The following PCGF6 variants were observed in gnomAD, a reference collection of about 807,000 sequenced individuals.
PCGF6 encodes polycomb group RING finger protein 6.
In PCGF6, 24 loss-of-function variants were observed where a neutral mutation model predicts 45.5. The observed-to-expected ratio is 0.53, with a 90% CI of 0.38 to 0.74. The LOEUF (loss-of-function observed/expected upper bound fraction) is 0.74, where lower values mean the gene tolerates loss of function less well. Among genes scored for constraint, PCGF6 ranks in the 30% least tolerant of loss-of-function variants. The probability of loss-of-function intolerance (pLI) is 0.00; values close to 1 mark genes in which losing one functional copy is unlikely to be tolerated. For synonymous variants in PCGF6, 152 were observed against 162.1 expected, an observed-to-expected ratio of 0.94 and a Z score of 0.47; for missense variants, 356 against 443.2, an observed-to-expected ratio of 0.80 and a Z score of 1.77.
chr10:103,315,448 C>T (rs948830719), intron 8 of PCGF6, among the ~76,000 whole-genome samples: 3 of 152,178 alleles, frequency 2.0e-5, no homozygotes, highest in Non-Finnish European at 4.4e-5. Context: ...CAAGCTTCAC[C>T]TCCTGGGTTC....
chr10:103,335,599 G>A lies in PCGF6; in HGVS notation c.783-1647C>T, dbSNP rs760472848. On this transcript the variant is annotated intron_variant, in intron 6 of 9. Transcript: ENST00000369847. ...GATGGCCTCGATCTCTTGATCTCGT[G>A]ATCTGCCCACCTTGGCCTCCCAAAG... 1.2e-4 allele frequency among the ~76,000 whole-genome samples: 18 copies of A among 152,092 alleles called. No homozygotes were observed. In the South Asian group the frequency reaches 2.9e-3, roughly 25 times the overall value.
intron 1 of PCGF6, among the ~76,000 whole-genome samples, chr10:103,349,268 G>A (rs1482614209): frequency 2.0e-5 from 3 of 151,188 alleles, no homozygotes; most frequent in African/African-American, 4.9e-5. Context: ...GGCTGGTCTC[G>A]AACCCCTGGC....
At chr10:103,347,357 A>G (rs763472004) in intron 4 of PCGF6, 38 bp downstream of exon 4, 5 of 1,587,192 alleles carry the variant, frequency 3.2e-6, no homozygotes, top group African/African-American at 2.7e-5. Flanking sequence ...AGAGTCAGAG[A>G]TTCTGGGATT....
chr10:103,306,887 T>C (rs2093140046), intron 9 of PCGF6, among the ~76,000 whole-genome samples: 1 of 152,168 alleles, frequency 6.6e-6, no homozygotes, highest in African/African-American at 2.4e-5. Flanking sequence ...GTGGATCACC[T>C]GAGCCCAGGA....
intron 7 of PCGF6, among the ~76,000 whole-genome samples, chr10:103,327,665 C>CT (rs370470160): frequency 4.7e-5 from 7 of 148,154 alleles, no homozygotes; most frequent in South Asian, 4.3e-4. Context: ...AAAGGGAATT[C>CT]TTTTTTTTTT....
intron 9 of PCGF6, among the ~76,000 whole-genome samples, chr10:103,312,940 G>T (rs1419691283): frequency 6.6e-6 from 1 of 151,308 alleles, no homozygotes; most frequent in Admixed American, 6.6e-5. Context: ...CAGCCTGGGC[G>T]ACAGAGCGAG....
At chr10:103,310,071 C>T (rs1592054295) in intron 9 of PCGF6, among the ~76,000 whole-genome samples, 1 of 151,912 alleles carries the variant, frequency 6.6e-6, no homozygotes, top group Middle Eastern at 3.4e-3. Flanking sequence ...CTGCCTCAGC[C>T]TCCCGAGTAG....
chr10:103,339,813 ACACACAC>A (rs1564733277), intron 6 of PCGF6, among the ~76,000 whole-genome samples: 260 of 16,932 alleles, frequency 0.015, 13 homozygotes, highest in East Asian at 0.11. Context: ...AAAAAAAAAC[ACACACAC>A]ACACACACAC....
chr10:103,303,008 T>C lies in PCGF6; in HGVS notation c.*897A>G, dbSNP rs1025539663. On this transcript the variant is annotated 3_prime_UTR_variant, in exon 10 of 10. Coordinates refer to ENST00000369847, the MANE Select transcript of PCGF6 (RefSeq NM_001011663.2). ...ATGTTTTAAAACTGAAGTCTTTGCA[T>C]GGAGGTGAGCTCAAACACCCTTATT... 1 of 152,638 alleles carries C rather than the reference T, an allele frequency of 6.6e-6. No individual in the cohort carries two copies. The highest frequency in any genetic ancestry group is 1.5e-5 in the Non-Finnish European group (1 of 68,034). The allele number at this position is 152,638 out of a possible 1,614,324, so 9.5% of individuals were successfully genotyped here. A position where few individuals can be genotyped will look rare whatever the true frequency, so the allele number is the denominator to read the frequency against.
chr10:103,350,159 C>CA (rs984510688), intron 1 of PCGF6, among the ~76,000 whole-genome samples: 90 of 151,668 alleles, frequency 5.9e-4, no homozygotes, highest in African/African-American at 2.1e-3. Flanking sequence ...TTATACAGGA[C>CA]AGGCAACGTG....
At chr10:103,315,992 G>A (rs112869295) in intron 8 of PCGF6, among the ~76,000 whole-genome samples, 1,459 of 112,192 alleles carry the variant, frequency 0.013, 32 homozygotes, top group African/African-American at 0.042. Context: ...GTGTGTGTGT[G>A]TGTATATATA....
intron 8 of PCGF6, among the ~76,000 whole-genome samples, chr10:103,315,795 G>A (rs1341237969): frequency 2.6e-5 from 4 of 151,912 alleles, no homozygotes; most frequent in African/African-American, 7.3e-5. Flanking sequence ...AGTGTGCTCC[G>A]GCCAATATAC....
At chr10:103,317,072 G>A (rs1010138317) in intron 8 of PCGF6, among the ~76,000 whole-genome samples, 6 of 152,048 alleles carry the variant, frequency 3.9e-5, no homozygotes, top group East Asian at 1.9e-4. Flanking sequence ...GTGCAGTGGC[G>A]CAATCTCAGC....
At chr10:103,317,172 G>A (rs528205072) in intron 8 of PCGF6, among the ~76,000 whole-genome samples, 98 of 151,882 alleles carry the variant, frequency 6.5e-4, no homozygotes, top group Non-Finnish European at 1.2e-3. Context: ...CACCACACTC[G>A]GCTAATTTTT....
At chr10:103,326,953 C>G (rs187399874) in intron 7 of PCGF6, among the ~76,000 whole-genome samples, 1 of 152,238 alleles carries the variant, frequency 6.6e-6, no homozygotes, top group Admixed American at 6.6e-5. Flanking sequence ...TGAACTTACA[C>G]TTTAAAGACA....
In PCGF6 at chr10:103,350,914, C is replaced by A. The variant is rs781435923; in HGVS notation, c.153G>T (p.Thr51=). 10 of 1,514,332 alleles carry A rather than the reference C, an allele frequency of 6.6e-6. No individual in the cohort carries two copies. Among genetic ancestry groups the A allele is most frequent in the African/African-American group, 4.3e-5 (3 of 69,818 alleles). The allele number at this position is 1,514,332 out of a possible 1,614,324, so 93.8% of individuals were successfully genotyped here. A position where few individuals can be genotyped will look rare whatever the true frequency, so the allele number is the denominator to read the frequency against. ...GGGAGCCGGAGCAGCCGGGAGCCCC[C>A]GTCTCAGACAGAGGCGCCGGTCCCT... ...GEEGPAPLSE[T]GAPGCSGSRP... Residue 51 remains threonine (T), a synonymous_variant, in exon 1 of 10, where the codon ACG becomes ACT. Coordinates refer to ENST00000369847, the MANE Select transcript of PCGF6 (RefSeq NM_001011663.2).
chr10:103,323,488 G>T (rs1221358618), intron 8 of PCGF6, among the ~76,000 whole-genome samples: 1 of 152,140 alleles, frequency 6.6e-6, no homozygotes, highest in African/African-American at 2.4e-5. Flanking sequence ...TAGAGATGCG[G>T]TTTACCATGT....
At chr10:103,315,074 A>G (rs1225041052) in intron 8 of PCGF6, among the ~76,000 whole-genome samples, 1 of 152,104 alleles carries the variant, frequency 6.6e-6, no homozygotes, top group East Asian at 1.9e-4. Flanking sequence ...ACAATGCCAC[A>G]TAAATCATAG....
At chr10:103,309,242 G>A (rs950855954) in intron 9 of PCGF6, among the ~76,000 whole-genome samples, 2 of 151,962 alleles carry the variant, frequency 1.3e-5, no homozygotes, top group African/African-American at 4.8e-5. Context: ...TTGGATCTGT[G>A]TCCCCACCAA....
Sources: allele counts gnomAD v4.1 joint callset (sites outside exome capture counted in the v4.1 genomes callset), GRCh38; gene constraint gnomAD v4.1.1; transcripts MANE v1.5; gene names NCBI Gene and HGNC (gene_info 2026-07-23, HGNC 2026-07-21).